The following CACNB4 variants were observed in gnomAD, a reference collection of about 807,000 sequenced individuals.
The protein encoded by CACNB4 is voltage-dependent L-type calcium channel subunit beta-4.
A neutral mutation model predicts 71.2 loss-of-function variants in CACNB4; 32 were observed. The observed-to-expected ratio is 0.45, with a 90% CI of 0.34 to 0.60. CACNB4 has a LOEUF of 0.60. Among genes scored for constraint, CACNB4 ranks in the 20% least tolerant of loss-of-function variants. CACNB4 has a pLI of 0.01. For synonymous variants in CACNB4, 231 were observed against 236.9 expected, an observed-to-expected ratio of 0.97 and a Z score of 0.23; for missense variants, 464 against 647.9, an observed-to-expected ratio of 0.72 and a Z score of 3.08.
At chr2:152,024,197 C>G (rs1683839084) in intron 2 of CACNB4, among the ~76,000 whole-genome samples, 1 of 152,172 alleles carries the variant, frequency 6.6e-6, no homozygotes, top group Non-Finnish European at 1.5e-5. Context: ...GTGTCACGTG[C>G]CTGTAGTCCT....
chr2:151,913,859 G>C (rs1240922739), intron 2 of CACNB4, among the ~76,000 whole-genome samples: 1 of 152,024 alleles, frequency 6.6e-6, no homozygotes, highest in African/African-American at 2.4e-5. Flanking sequence ...AGTCTGATGG[G>C]CTTCCCTTTG....
intron 2 of CACNB4, among the ~76,000 whole-genome samples, chr2:152,028,719 G>C (rs1314054058): frequency 1.3e-5 from 2 of 152,126 alleles, no homozygotes; most frequent in East Asian, 3.8e-4. Context: ...AGTGAGATTT[G>C]GGAGAGTCAC....
At chr2:151,950,497 G>C (rs886200866) in intron 2 of CACNB4, among the ~76,000 whole-genome samples, 1 of 152,150 alleles carries the variant, frequency 6.6e-6, no homozygotes, top group Non-Finnish European at 1.5e-5. Context: ...CTGAAAACAG[G>C]AACTCAAACG....
intron 2 of CACNB4, among the ~76,000 whole-genome samples, chr2:151,957,050 G>A (rs976158601): frequency 6.6e-6 from 1 of 152,164 alleles, no homozygotes; most frequent in African/African-American, 2.4e-5. Flanking sequence ...CTACTTGGGA[G>A]GCTGAGGCAG....
intron 2 of CACNB4, among the ~76,000 whole-genome samples, chr2:151,964,897 CCTAG>C (rs2099870656): frequency 1.3e-5 from 2 of 152,040 alleles, no homozygotes; most frequent in Admixed American, 1.3e-4. Context: ...TCTGCAATAT[CCTAG>C]CACTTCACAA....
At chr2:151,972,559 CA>C (rs1171598094) in intron 2 of CACNB4, 2 of 152,166 alleles carry the variant, frequency 1.3e-5, no homozygotes, top group African/African-American at 4.8e-5. Context: ...TTTGCGGAAA[CA>C]GAGTTAGAGT....
chr2:151,880,459 C>A, intron 4 of CACNB4: 1 of 328,604 alleles, frequency 3.0e-6, no homozygotes, highest in Non-Finnish European at 5.7e-6. Context: ...GGTGCCATGA[C>A]ACCAAACTTA....
chr2:151,951,310 A>C (rs973106089), intron 2 of CACNB4, among the ~76,000 whole-genome samples: 10 of 151,952 alleles, frequency 6.6e-5, no homozygotes, highest in African/African-American at 2.4e-4. Context: ...AACAACTAAT[A>C]ACCAAATGTC....
chr2:151,949,488 C>G (rs201191209), intron 2 of CACNB4, among the ~76,000 whole-genome samples: 10 of 152,126 alleles, frequency 6.6e-5, no homozygotes, highest in South Asian at 2.1e-4. Flanking sequence ...ACAGTTAGTT[C>G]GTAGCCAAAA....
chr2:151,857,535 A>G (rs2099840610), intron 10 of CACNB4: 1 of 152,176 alleles, frequency 6.6e-6, no homozygotes, highest in Non-Finnish European at 1.5e-5. Context: ...GGAAGTTTGG[A>G]AAATAAAGTC....
chr2:152,055,810 A>C (rs545401684), intron 2 of CACNB4, among the ~76,000 whole-genome samples: 6 of 152,184 alleles, frequency 3.9e-5, no homozygotes, highest in African/African-American at 1.4e-4. Flanking sequence ...TGAAATTTTC[A>C]AACTTTGACT....
At chr2:151,936,767 T>C (rs1171622931) in intron 2 of CACNB4, among the ~76,000 whole-genome samples, 2 of 152,174 alleles carry the variant, frequency 1.3e-5, no homozygotes, top group African/African-American at 2.4e-5. Flanking sequence ...CACCTCTCAT[T>C]AGGAAAACAA....
intron 2 of CACNB4, among the ~76,000 whole-genome samples, chr2:152,029,078 A>AAAC (rs2105173723): frequency 1.3e-5 from 2 of 152,358 alleles, no homozygotes; most frequent in East Asian, 3.9e-4. Flanking sequence ...TCATATGTTA[A>AAAC]AGACCTAACC....
At chr2:151,953,449 T>A (rs11900913) in intron 2 of CACNB4, among the ~76,000 whole-genome samples, 15,042 of 152,256 alleles carry the variant, frequency 0.099, 2,442 homozygotes, top group African/African-American at 0.34. Flanking sequence ...ACACTTGGGT[T>A]CAAATCCTGG....
intron 2 of CACNB4, among the ~76,000 whole-genome samples, chr2:151,887,700 G>T (rs1231502362): frequency 6.6e-6 from 1 of 152,156 alleles, no homozygotes; most frequent in Non-Finnish European, 1.5e-5. Context: ...AGTTGGCTGT[G>T]AATCTTAAGC....
At position 151,884,507 on chromosome 2, in the gene CACNB4, G is replaced by A. The variant is rs192583407; in HGVS notation, c.148-1137C>T. ...AAATTAGCCAGGCGTGGTGGCGGGC[G>A]CCTGTAGTCCCCAGCTACTCAGGAG... On this transcript the variant is annotated intron_variant, in intron 2 of 13. Transcript: ENST00000539935. Among the ~76,000 whole-genome samples the A allele has an allele frequency of 3.4e-3, 509 of 149,840 alleles. 2 individuals carry two copies. The highest frequency in any genetic ancestry group is 5.5e-3 in the Non-Finnish European group (373 of 67,408).
intron 2 of CACNB4, among the ~76,000 whole-genome samples, chr2:151,895,106 A>C (rs1166956951): frequency 0.013 from 469 of 37,278 alleles, 11 homozygotes; most frequent in Non-Finnish European, 0.036. Context: ...CCACACACAC[A>C]CACACACACA....
intron 2 of CACNB4, among the ~76,000 whole-genome samples, chr2:152,031,824 A>C (rs1346258097): frequency 6.6e-6 from 1 of 152,180 alleles, no homozygotes; most frequent in Non-Finnish European, 1.5e-5. Flanking sequence ...AAAATTATCC[A>C]TATTTTTGAA....
At chr2:151,970,304 T>C (rs1049231058) in intron 2 of CACNB4, 2 of 152,182 alleles carry the variant, frequency 1.3e-5, no homozygotes, top group Non-Finnish European at 1.5e-5. Flanking sequence ...TGTGGATTGA[T>C]CATCTGAAAG....
Sources: allele counts gnomAD v4.1 joint callset (sites outside exome capture counted in the v4.1 genomes callset), GRCh38; gene constraint gnomAD v4.1.1; transcripts MANE v1.5; gene names NCBI Gene and HGNC (gene_info 2026-07-23, HGNC 2026-07-21).